TBC1D1: variants seen among roughly 807,000 people sequenced by gnomAD.
TBC1D1 encodes the protein TBC1 (tre-2/USP6, BUB2, cdc16) domain family, member 1.
Under a neutral mutation model 125.6 loss-of-function variants are expected in TBC1D1, and 89 were observed. That is an observed-to-expected ratio of 0.71 (90% CI 0.60 to 0.85). The LOEUF (loss-of-function observed/expected upper bound fraction) is 0.85. Among genes scored for constraint, TBC1D1 ranks in the 40% least tolerant of loss-of-function variants. The pLI is 0.00. For synonymous variants in TBC1D1, 565 were observed against 564.1 expected (o/e 1.00, Z -0.02); for missense variants, 1,377 against 1,469.2 (o/e 0.94, Z 1.03).
chr4:37,904,276 G>T (rs373107645), intron 2 of TBC1D1, among the ~76,000 whole-genome samples: 121 of 152,332 alleles, frequency 7.9e-4, no homozygotes, highest in African/African-American at 2.6e-3. Context: ...AAAGAAACAT[G>T]ATACCTAGAT....
At chr4:38,125,546 T>C (rs1258910469) in intron 18 of TBC1D1, among the ~76,000 whole-genome samples, 1 of 152,250 alleles carries the variant, frequency 6.6e-6, no homozygotes, top group African/African-American at 2.4e-5. Context: ...AATAATTCTT[T>C]GATAACAAAG....
At position 37,928,350 on chromosome 4, in the gene TBC1D1, T is replaced by C. The variant is rs1396156172; in HGVS notation, c.417+25838T>C. ...GTCCAACAGCGGCAAATATTGATGT[T>C]GTTTTGTTTTACACACTTTTGGTAA... is the stretch of plus-strand genomic sequence containing the variant. On this transcript the variant is annotated intron_variant, in intron 2 of 19. Transcript: ENST00000261439. 3.9e-5 allele frequency among the ~76,000 whole-genome samples: 6 copies of C among 152,260 alleles called. No individual in the cohort carries two copies. The East Asian group carries it at 1.2e-3, about 29-fold the overall frequency.
intron 2 of TBC1D1, among the ~76,000 whole-genome samples, chr4:37,920,242 G>T (rs1284618319): frequency 6.6e-6 from 1 of 152,178 alleles, no homozygotes; most frequent in Non-Finnish European, 1.5e-5. Flanking sequence ...CCCTGGGGTT[G>T]GGGGGTGTAG....
intron 2 of TBC1D1, among the ~76,000 whole-genome samples, chr4:37,928,593 C>G (rs2152284988): frequency 6.6e-6 from 1 of 152,318 alleles, no homozygotes; most frequent in South Asian, 2.1e-4. Flanking sequence ...TGTAGCGCAG[C>G]CAGCCCTTGC....
At position 38,090,033 on chromosome 4, in the gene TBC1D1, C is replaced by T. The variant is rs751773027; in HGVS notation, c.2152C>T (p.Arg718Cys). 1.5e-5 allele frequency: 24 copies of T among 1,613,972 alleles called. No homozygotes were observed. In the Middle Eastern group the frequency reaches 4.9e-4, roughly 33 times the overall value. Reference sequence around the variant, plus strand: ...ACCAGAGGAAAAGAAAAGGACATCTCGTGAGCTCCGAGAGCTGTGGCAAAA... The same window carrying T: ...ACCAGAGGAAAAGAAAAGGACATCTTGTGAGCTCCGAGAGCTGTGGCAAAA... The change falls in exon 13 of 20, where the codon CGT (arginine) becomes TGT (cysteine). Residue 718 changes from arginine (R) to cysteine (C), a missense_variant. Coordinates refer to ENST00000261439, the MANE Select transcript of TBC1D1 (RefSeq NM_015173.4).
At chr4:38,098,112 G>A (rs989347061) in intron 14 of TBC1D1, among the ~76,000 whole-genome samples, 13 of 152,334 alleles carry the variant, frequency 8.5e-5, no homozygotes, top group African/African-American at 2.6e-4. Flanking sequence ...GACTTTAGCA[G>A]GTACCCTCTT....
intron 11 of TBC1D1, among the ~76,000 whole-genome samples, chr4:38,050,801 G>C (rs1560693426): frequency 6.6e-6 from 1 of 152,180 alleles, no homozygotes; most frequent in Non-Finnish European, 1.5e-5. Context: ...TCTGAGTAAA[G>C]AAGTGTGAGC....
At chr4:37,998,968 T>C (rs1174181668) in intron 2 of TBC1D1, among the ~76,000 whole-genome samples, 1 of 151,560 alleles carries the variant, frequency 6.6e-6, no homozygotes, top group Non-Finnish European at 1.5e-5. Flanking sequence ...GCTTTTCCAC[T>C]GGGCACGGTG....
intron 2 of TBC1D1, among the ~76,000 whole-genome samples, chr4:38,002,200 C>T (rs550751981): frequency 8.5e-5 from 13 of 152,160 alleles, no homozygotes; most frequent in African/African-American, 2.4e-4. Flanking sequence ...AAACCTCAGT[C>T]GCTCTTGGGG....
intron 6 of TBC1D1, among the ~76,000 whole-genome samples, chr4:38,021,966 G>A (rs1046069193): frequency 6.6e-6 from 1 of 152,220 alleles, no homozygotes; most frequent in Non-Finnish European, 1.5e-5. Context: ...TTCTGAGGAT[G>A]GAGGAGGAGT....
At chr4:38,105,212 C>T (rs1043597597) in intron 15 of TBC1D1, among the ~76,000 whole-genome samples, 2 of 152,152 alleles carry the variant, frequency 1.3e-5, no homozygotes, top group Admixed American at 6.5e-5. Flanking sequence ...TCATCATCAC[C>T]GTTATCTGCT....
At position 38,014,688 on chromosome 4, in the gene TBC1D1, G is replaced by A. The variant is rs768397169; in HGVS notation, c.597G>A (p.Lys199=). Residue 199 remains lysine, a synonymous_variant, in exon 3 of 20, where the codon AAG becomes AAA. Transcript: ENST00000261439. This position sits in a 1 kb window ranked among gnomAD's most constrained non-coding sequence, Gnocchi z 5.1. ...CCCTGATCGACGAGTGCATCGAGAA[G>A]TTCAATCACGTCAGCGGCAGCCGGG... The A allele has an allele frequency of 1.9e-6, 3 of 1,613,116 alleles. No individual in the cohort carries two copies. The highest frequency in any genetic ancestry group is 3.3e-4 in the Middle Eastern group (2 of 6,062).
At chr4:38,116,133 G>C (rs1762949794) in intron 16 of TBC1D1, among the ~76,000 whole-genome samples, 179 bp downstream of exon 18, 3 of 109,036 alleles carry the variant, frequency 2.8e-5, no homozygotes, top group African/African-American at 1.1e-4. Context: ...TCCCTCTAAG[G>C]AAGACACTGT....
intron 3 of TBC1D1, among the ~76,000 whole-genome samples, chr4:38,016,529 T>G (rs1213465124): frequency 6.6e-6 from 1 of 152,244 alleles, no homozygotes; most frequent in African/African-American, 2.4e-5. Flanking sequence ...TTTTTTGCTT[T>G]ATTTTTCTCC....
At chr4:38,000,712 G>A (rs1470596935) in intron 2 of TBC1D1, among the ~76,000 whole-genome samples, 1 of 152,036 alleles carries the variant, frequency 6.6e-6, no homozygotes, top group Non-Finnish European at 1.5e-5. Context: ...TCACCAACTG[G>A]GTCTCCAGTG....
chr4:38,030,676 G>A (rs1168710478), intron 7 of TBC1D1, among the ~76,000 whole-genome samples: 1 of 152,206 alleles, frequency 6.6e-6, no homozygotes, highest in African/African-American at 2.4e-5. Flanking sequence ...AGGTGGCTTT[G>A]CAGTTTCCTG....
chr4:37,916,025 T>TC (rs1719660709), intron 2 of TBC1D1, among the ~76,000 whole-genome samples: 1 of 151,778 alleles, frequency 6.6e-6, no homozygotes. Context: ...GTAGATTAAG[T>TC]CCTTTTAGAT....
intron 15 of TBC1D1, 90 bp downstream of exon 17, chr4:38,103,247 C>T: frequency 7.3e-7 from 1 of 1,367,894 alleles, no homozygotes; most frequent in Non-Finnish European, 9.9e-7. Flanking sequence ...TATTGACCTG[C>T]CTTTAGGTTT....
Position 38,137,318 on chromosome 4 carries a change from G to A in TBC1D1, c.3490G>A (p.Glu1164Lys), listed in dbSNP as rs758678721. 65 of 1,610,796 alleles carry A rather than the reference G, an allele frequency of 4.0e-5. 1 individual carries two copies. Among genetic ancestry groups the A allele is most frequent in the South Asian group, 2.9e-4 (26 of 90,894 alleles). Reference sequence around the variant, plus strand: ...CCGGGAGCCTGAGTGCACGCAGCCCGAGCCCACGGGCGACTGACAGCTCTG... The same window carrying A: ...CCGGGAGCCTGAGTGCACGCAGCCCAAGCCCACGGGCGACTGACAGCTCTG... The change falls in exon 20 of 20, where the codon GAG becomes AAG. Residue 1164 changes from glutamate to lysine, a missense_variant. Physicochemically the swap from Glu to Lys is moderately conservative, Grantham distance 56. This residue lies in a region of TBC1D1 where 543 missense variants were observed against 613.5 expected (regional missense o/e 0.89). Coordinates refer to ENST00000261439, the MANE Select transcript of TBC1D1 (RefSeq NM_015173.4).
Sources: allele counts gnomAD v4.1 joint callset (sites outside exome capture counted in the v4.1 genomes callset), GRCh38; gene constraint gnomAD v4.1.1; regional missense constraint gnomAD v4.1.1; non-coding constraint Gnocchi (gnomAD v3.1); transcripts MANE v1.5; gene names NCBI Gene and HGNC (gene_info 2026-07-23, HGNC 2026-07-21).